USP47: variants seen among roughly 807,000 people sequenced by gnomAD.
The protein encoded by USP47 is ubiquitin specific peptidase 47.
In USP47, 35 loss-of-function variants were observed where a neutral mutation model predicts 165.1. The observed-to-expected ratio is 0.21, with a 90% confidence interval of 0.16 to 0.28. The LOEUF (loss-of-function observed/expected upper bound fraction) is 0.28. Ranked by LOEUF, USP47 falls within the 10% of genes least tolerant of loss-of-function variation. USP47 has a pLI of 1.00. For synonymous variants in USP47, 531 were observed against 544.5 expected (o/e 0.98, Z 0.35); for missense variants, 1,277 against 1,607.4 (o/e 0.79, Z 3.52).
In USP47 at chr11:11,942,795, A is replaced by T; in HGVS notation, c.2774A>T (p.Asp925Val). Reference protein sequence around the residue: ...PENFQSEERSDSDVNNDRSTS... With the variant: ...PENFQSEERSVSDVNNDRSTS... ...AATTTTCAGTCTGAAGAACGATCAG[A>T]CTCAGATGTGAATAATGACAGGAGT... Residue 925 changes from aspartate (D) to valine (V), a missense_variant, in exon 20 of 28, where the codon GAC becomes GTC. This residue lies in a region of USP47 where 909 missense variants were observed against 1,068.1 expected (regional missense o/e 0.85). Coordinates refer to ENST00000527733, the MANE Select transcript of USP47 (RefSeq NM_001282659.2). 1 of 1,613,642 alleles carries T rather than the reference A, an allele frequency of 6.2e-7. No individual in the cohort carries two copies. The highest frequency in any genetic ancestry group is 8.5e-7 in the Non-Finnish European group (1 of 1,179,734).
Position 11,922,857 on chromosome 11 carries a change from G to C in USP47, c.1352G>C (p.Gly451Ala). Residue 451 changes from glycine (G) to alanine (A), a missense_variant, in exon 11 of 28, where the codon GGA (glycine) becomes GCA (alanine). By Grantham distance (60) the Gly-to-Ala change is moderately conservative. This residue lies in a region of USP47 where 909 missense variants were observed against 1,068.1 expected (regional missense o/e 0.85). Transcript: ENST00000527733. ...DEGICLETNS[G>A]TEKISKSGLE... The stretch of plus-strand genomic sequence containing the variant: ...GGAATCTGTCTTGAAACCAATAGTG[G>C]AACTGAAAAGATCTCAAAATCTGGA... The C allele has an allele frequency of 6.2e-7, 1 of 1,609,710 alleles. No homozygotes were observed.
chr11:11,945,992 GA>G, intron 20 of USP47, among the ~76,000 whole-genome samples: 1 of 151,522 alleles, frequency 6.6e-6, no homozygotes, highest in East Asian at 1.9e-4. Flanking sequence ...AAATACGTAA[GA>G]GAAAGGACCA....
chr11:11,932,490 A>T (rs1371869378), intron 14 of USP47, among the ~76,000 whole-genome samples: 2 of 151,928 alleles, frequency 1.3e-5, no homozygotes, highest in Non-Finnish European at 2.9e-5. Context: ...TGCTTTGAGA[A>T]CACAGGAAAG....
In USP47 at chr11:11,884,005, G is replaced by T. The variant is rs575091608; in HGVS notation, c.244-462G>T. On this transcript the variant is annotated intron_variant, in intron 2 of 27. Transcript: ENST00000527733. The stretch of plus-strand genomic sequence containing the variant: ...CATAATTATGTTACATAATTATTTT[G>T]GTTGGGTTGCTTAGTATGTTGCTTA... Among the ~76,000 whole-genome samples the T allele has an allele frequency of 3.3e-5, 5 of 151,998 alleles. 1 individual carries two copies. In the South Asian group the frequency reaches 8.3e-4, roughly 25 times the overall value.
chr11:11,923,434 C>T (rs1854009463), intron 11 of USP47, among the ~76,000 whole-genome samples: 1 of 151,998 alleles, frequency 6.6e-6, no homozygotes, highest in African/African-American at 2.4e-5. Context: ...CCTCAAGACA[C>T]TTTGAAAAAT....
chr11:11,878,563 GTTTT>G (rs986199066), intron 1 of USP47: 2 of 151,864 alleles, frequency 1.3e-5, no homozygotes, highest in South Asian at 4.2e-4. Context: ...ATAGGTGAAG[GTTTT>G]TTTATCTTTT....
In USP47 at chr11:11,902,740, G is replaced by C; in HGVS notation, c.619G>C (p.Asp207His). The C allele has an allele frequency of 2.5e-6, 4 of 1,573,558 alleles. No individual in the cohort carries two copies. The highest frequency in any genetic ancestry group is 8.6e-7 in the Non-Finnish European group (1 of 1,160,248). Residue 207 changes from aspartate (D) to histidine (H), a missense_variant, in exon 6 of 28, where the codon GAT becomes CAT. Physicochemically the swap from Asp to His is moderately conservative, Grantham distance 81. Coordinates refer to ENST00000527733, the MANE Select transcript of USP47 (RefSeq NM_001282659.2). ...GTGGGAATTTGAAGAATCTGAAGAA[G>C]ATCCAGTGACAAGTATTCCATACCA... ...YKWEFEESEEDPVTSIPYQLQ... is the reference protein window; with the variant it reads ...YKWEFEESEEHPVTSIPYQLQ...
chr11:11,883,961 T>C (rs1270125268), intron 2 of USP47, among the ~76,000 whole-genome samples: 1 of 152,146 alleles, frequency 6.6e-6, no homozygotes, highest in Non-Finnish European at 1.5e-5. Flanking sequence ...ACTACATTAG[T>C]TTTATTTTTG....
chr11:11,860,657 C>G (rs1849328703), intron 1 of USP47, among the ~76,000 whole-genome samples: 1 of 152,160 alleles, frequency 6.6e-6, no homozygotes, highest in Admixed American at 6.5e-5. Context: ...TCAGTTATTT[C>G]ACAAGCTGAG....
intron 11 of USP47, among the ~76,000 whole-genome samples, chr11:11,925,634 G>GT (rs34781797): frequency 0.25 from 36,928 of 146,306 alleles, 4,769 homozygotes; most frequent in Non-Finnish European, 0.3. Context: ...ACTTGTTAGG[G>GT]TTTTTTTTTT....
At chr11:11,897,934 G>A (rs956461776) in intron 5 of USP47, among the ~76,000 whole-genome samples, 4 of 152,078 alleles carry the variant, frequency 2.6e-5, no homozygotes, top group African/African-American at 9.7e-5. Context: ...AGATTTACAT[G>A]TAGGGTAAAA....
intron 11 of USP47, among the ~76,000 whole-genome samples, chr11:11,928,877 C>T (rs1854448016): frequency 6.6e-6 from 1 of 151,770 alleles, no homozygotes; most frequent in South Asian, 2.1e-4. Context: ...GTTTGCAGAA[C>T]AGGAAGCTAA....
chr11:11,958,066 GCTTA>G lies in USP47; in HGVS notation c.*1895_*1898del, dbSNP rs1847287163. On this transcript the variant is annotated 3_prime_UTR_variant, in exon 28 of 28. Transcript: ENST00000527733. ...AGCTGTTTGGTTCTGATACAGGCCTGCTTACTTGGGATGTAGGGTTAGTAAATGG... is the reference window on the plus strand; with the variant it reads ...AGCTGTTTGGTTCTGATACAGGCCTGCTTGGGATGTAGGGTTAGTAAATGG... The G allele has an allele frequency of 6.6e-6, 1 of 152,192 alleles. No homozygotes were observed. Among genetic ancestry groups the G allele is most frequent in the Admixed American group, 6.5e-5 (1 of 15,282 alleles). 9.4% of individuals were successfully genotyped at this position (152,192 alleles called of 1,614,324 possible). A position where few individuals can be genotyped will look rare whatever the true frequency, so the allele number is the denominator to read the frequency against.
chr11:11,898,097 A>G (rs1851955901), intron 5 of USP47, among the ~76,000 whole-genome samples: 1 of 151,962 alleles, frequency 6.6e-6, no homozygotes, highest in Non-Finnish European at 1.5e-5. Context: ...TTCTAATTAA[A>G]ATATAATACT....
chr11:11,904,120 GAGTA>G (rs1417875812), intron 7 of USP47, among the ~76,000 whole-genome samples: 1 of 152,132 alleles, frequency 6.6e-6, no homozygotes, highest in Non-Finnish European at 1.5e-5. Flanking sequence ...CATCACATAA[GAGTA>G]AGTATTATTT....
chr11:11,907,463 A>G (rs552069356), intron 8 of USP47, among the ~76,000 whole-genome samples: 1 of 152,356 alleles, frequency 6.6e-6, no homozygotes, highest in African/African-American at 2.4e-5. Context: ...CTACCTTCGG[A>G]GAACTTTAGT....
rs755120353 is a variant in USP47 at position 11,942,373 on chromosome 11, G to C, written c.2352G>C (p.Met784Ile). The change falls in exon 20 of 28, where the codon ATG (methionine) becomes ATC (isoleucine). Residue 784 changes from methionine (M) to isoleucine (I), a missense_variant. Met to Ile is a conservative substitution (Grantham distance 10). Around this residue, in one of 4 missense-constraint regions of USP47, gnomAD observed 909 missense variants for 1,068.1 expected, o/e 0.85. Coordinates refer to ENST00000527733, the MANE Select transcript of USP47 (RefSeq NM_001282659.2). ...GCTCCGAGACTTTGGATTACCAGAT[G>C]GCCTTTGCAGACTCTCATTTATGGA... Reference protein sequence around the residue: ...VESSETLDYQMAFADSHLWKL... With the variant: ...VESSETLDYQIAFADSHLWKL... The C allele has an allele frequency of 1.2e-6, 2 of 1,610,564 alleles. No homozygotes were observed. Among genetic ancestry groups the C allele is most frequent in the East Asian group, 4.5e-5 (2 of 44,854 alleles).
chr11:11,878,055 G>GT (rs1850590906), intron 1 of USP47, among the ~76,000 whole-genome samples: 1 of 151,786 alleles, frequency 6.6e-6, no homozygotes, highest in African/African-American at 2.4e-5. Flanking sequence ...ATTGAATTTT[G>GT]TTTTTTTCTG....
intron 19 of USP47, among the ~76,000 whole-genome samples, chr11:11,941,350 T>G (rs1359982412): frequency 6.6e-6 from 1 of 151,856 alleles, no homozygotes; most frequent in Non-Finnish European, 1.5e-5. Context: ...AACTTTTCTT[T>G]TTCCTTAAAC....
Sources: allele counts gnomAD v4.1 joint callset (sites outside exome capture counted in the v4.1 genomes callset), GRCh38; gene constraint gnomAD v4.1.1; regional missense constraint gnomAD v4.1.1; transcripts MANE v1.5; gene names NCBI Gene and HGNC (gene_info 2026-07-23, HGNC 2026-07-21).